CYYR1: variants seen among roughly 807,000 people sequenced by gnomAD.
CYYR1 encodes cysteine and tyrosine-rich protein 1.
CYYR1 carries 14 observed loss-of-function variants against 15.2 expected under a neutral mutation model. The observed-to-expected ratio is 0.92, with a 90% CI of 0.61 to 1.44. The LOEUF is 1.44. Among genes scored for constraint, CYYR1 ranks in the 40% most tolerant of loss-of-function variants. The pLI, the probability that CYYR1 is intolerant of heterozygous loss-of-function variation, is 0.00. For synonymous variants in CYYR1, 80 were observed against 77.4 expected, an observed-to-expected ratio of 1.03 and a Z score of -0.18; for missense variants, 228 against 209.5, an observed-to-expected ratio of 1.09 and a Z score of -0.54.
chr21:26,477,897 A>G, intron 3 of CYYR1: 1 of 1,294,802 alleles, frequency 7.7e-7, no homozygotes, highest in Non-Finnish European at 9.8e-7. Flanking sequence ...CCCTACCAAT[A>G]TTCTTGCAAG....
At chr21:26,543,846 C>T (rs928448489) in intron 2 of CYYR1, among the ~76,000 whole-genome samples, 2 of 152,054 alleles carry the variant, frequency 1.3e-5, no homozygotes, top group Non-Finnish European at 2.9e-5. Context: ...GCGGAGTTTG[C>T]AGTGAACCGA....
chr21:26,477,386 A>G (rs1407845451), intron 3 of CYYR1, among the ~76,000 whole-genome samples: 1 of 152,168 alleles, frequency 6.6e-6, no homozygotes, highest in Admixed American at 6.6e-5. Flanking sequence ...TGCAGTAAAA[A>G]TGTTTTCAGC....
intron 2 of CYYR1, among the ~76,000 whole-genome samples, chr21:26,563,763 AG>A (rs892022250): frequency 1.6e-4 from 24 of 152,200 alleles, no homozygotes; most frequent in Admixed American, 7.9e-4. Flanking sequence ...GCTGGTGACT[AG>A]GGGAAGACCT....
At chr21:26,548,437 C>A (rs1028342565) in intron 2 of CYYR1, among the ~76,000 whole-genome samples, 2 of 152,202 alleles carry the variant, frequency 1.3e-5, no homozygotes, top group Non-Finnish European at 2.9e-5. Context: ...GCCTCGAACT[C>A]CTGGGCTCAA....
At chr21:26,534,843 T>C (rs2065975404) in intron 2 of CYYR1, among the ~76,000 whole-genome samples, 1 of 152,316 alleles carries the variant, frequency 6.6e-6, no homozygotes, top group Admixed American at 6.5e-5. Context: ...ATGCTATTTG[T>C]TTCCTGCTGG....
intron 2 of CYYR1, among the ~76,000 whole-genome samples, chr21:26,540,166 A>T (rs1236527169): frequency 2.0e-5 from 3 of 152,180 alleles, no homozygotes; most frequent in Non-Finnish European, 2.9e-5. Flanking sequence ...TAGAAGTGGA[A>T]TAGCTCTTAT....
chr21:26,490,398 T>G (rs899094832), intron 2 of CYYR1, among the ~76,000 whole-genome samples: 2 of 152,110 alleles, frequency 1.3e-5, no homozygotes, highest in African/African-American at 4.8e-5. Flanking sequence ...AATACTTGAC[T>G]TTAAAGATTT....
At chr21:26,538,791 T>G (rs1601807517) in intron 2 of CYYR1, among the ~76,000 whole-genome samples, 1 of 152,196 alleles carries the variant, frequency 6.6e-6, no homozygotes, top group Admixed American at 6.5e-5. Flanking sequence ...TTCTTAAACT[T>G]TTTGGTGTCA....
chr21:26,495,338 T>C (rs1317440244), intron 2 of CYYR1, among the ~76,000 whole-genome samples: 1 of 152,174 alleles, frequency 6.6e-6, no homozygotes, highest in East Asian at 1.9e-4. Flanking sequence ...TTGCAACAGT[T>C]AGGGCTTGCC....
chr21:26,494,045 GTC>G, intron 2 of CYYR1, among the ~76,000 whole-genome samples: 1 of 152,254 alleles, frequency 6.6e-6, no homozygotes, highest in South Asian at 2.1e-4. Flanking sequence ...GCTTCCTGCA[GTC>G]TGATCTTTCC....
At chr21:26,520,113 G>GATAGATATAT (rs1323824516) in intron 2 of CYYR1, among the ~76,000 whole-genome samples, 135 of 120,698 alleles carry the variant, frequency 1.1e-3, no homozygotes, top group African/African-American at 4.4e-3. Context: ...AAACCCAGGA[G>GATAGATATAT]ATATATATAT....
chr21:26,493,426 C>T (rs1181326724), intron 2 of CYYR1, among the ~76,000 whole-genome samples: 1 of 151,952 alleles, frequency 6.6e-6, no homozygotes, highest in Non-Finnish European at 1.5e-5. Context: ...GGCAGTGGGA[C>T]AGGAAAGAAG....
intron 2 of CYYR1, among the ~76,000 whole-genome samples, chr21:26,512,735 T>C (rs111252417): frequency 3.3e-5 from 5 of 152,264 alleles, no homozygotes; most frequent in African/African-American, 7.2e-5. Flanking sequence ...TTTTCTGAGC[T>C]CCAAAGGCAG....
intron 2 of CYYR1, among the ~76,000 whole-genome samples, chr21:26,515,596 A>G (rs2065717235): frequency 1.3e-5 from 2 of 152,148 alleles, no homozygotes; most frequent in South Asian, 4.1e-4. Context: ...TCCTGAGTTC[A>G]AGTGATCCAC....
intron 2 of CYYR1, among the ~76,000 whole-genome samples, chr21:26,537,177 G>A (rs184139347): frequency 8.7e-4 from 132 of 152,238 alleles, no homozygotes; most frequent in Admixed American, 1.9e-3. Flanking sequence ...AGAAAGCATG[G>A]CATATGCAGG....
intron 3 of CYYR1, among the ~76,000 whole-genome samples, chr21:26,476,850 T>C (rs2065112189): frequency 6.6e-6 from 1 of 152,188 alleles, no homozygotes; most frequent in South Asian, 2.1e-4. Flanking sequence ...GTTAATATGA[T>C]CACTTTCCTT....
chr21:26,539,922 TC>T (rs1978429666), intron 2 of CYYR1, among the ~76,000 whole-genome samples: 1 of 152,182 alleles, frequency 6.6e-6, no homozygotes, highest in African/African-American at 2.4e-5. Context: ...CGCATCTTTT[TC>T]CCTCTCATAA....
intron 2 of CYYR1, among the ~76,000 whole-genome samples, chr21:26,538,008 C>T (rs181624880): frequency 3.3e-4 from 51 of 152,292 alleles, no homozygotes; most frequent in African/African-American, 7.2e-4. Flanking sequence ...AATCAGTCTA[C>T]GTTGTTTTAT....
intron 2 of CYYR1, among the ~76,000 whole-genome samples, chr21:26,557,539 C>A (rs222966): frequency 0.42 from 63,867 of 152,022 alleles, 14,825 homozygotes; most frequent in East Asian, 0.65. Context: ...TAGTGAAGGA[C>A]AGATCAGTTT....
Sources: gnomAD v4.1 joint callset for allele counts (sites outside exome capture counted in the v4.1 genomes callset) on GRCh38, gnomAD v4.1.1 for gene constraint, MANE v1.5 for transcripts, NCBI Gene and HGNC (gene_info 2026-07-23, HGNC 2026-07-21) for gene names.